GRIN2D: variants seen among roughly 807,000 people sequenced by gnomAD.
The protein encoded by GRIN2D is glutamate receptor ionotropic, NMDA 2D.
GRIN2D carries 37 observed loss-of-function variants against 103.2 expected under a neutral mutation model. The ratio of observed to expected loss-of-function variants is 0.36; its 90% CI spans 0.28 to 0.47. The LOEUF (loss-of-function observed/expected upper bound fraction) is 0.47, where lower values mean the gene tolerates loss of function less well. Among genes scored for constraint, GRIN2D ranks in the 20% least tolerant of loss-of-function variants. GRIN2D has a pLI of 1.00. For synonymous variants in GRIN2D, 845 were observed against 885.6 expected (o/e 0.95, Z 0.81); for missense variants, 1,557 against 1,910.6 (o/e 0.81, Z 3.45).
At chr19:48,423,088 G>A (rs1007843462) in intron 11 of GRIN2D, among the ~76,000 whole-genome samples, 1 of 152,148 alleles carries the variant, frequency 6.6e-6, no homozygotes, top group African/African-American at 2.4e-5. Context: ...GCGGGCGCCT[G>A]TAATCTCAGC....
chr19:48,432,604 G>A (rs946488495), intron 11 of GRIN2D, among the ~76,000 whole-genome samples: 8 of 151,426 alleles, frequency 5.3e-5, no homozygotes, highest in Non-Finnish European at 1.2e-4. Flanking sequence ...TCAGCCTCCC[G>A]AGTAGCTTGG....
intron 11 of GRIN2D, among the ~76,000 whole-genome samples, chr19:48,428,353 C>T (rs1053923523): frequency 3.4e-5 from 5 of 147,900 alleles, no homozygotes; most frequent in Non-Finnish European, 7.5e-5. Context: ...CCCCCTCCCC[C>T]TCCCCGCTTT....
Position 48,443,161 on chromosome 19 carries a change from G to A in GRIN2D, c.3235G>A (p.Ala1079Thr), listed in dbSNP as rs1229439041. ...QPLLGPGAGG[A>T]GGTGGAGGGA... Reference sequence around the variant, plus strand: ...CCTGCTGGGGCCAGGCGCGGGCGGCGCGGGGGGCACGGGGGGCGCAGGCGG... The same window carrying A: ...CCTGCTGGGGCCAGGCGCGGGCGGCACGGGGGGCACGGGGGGCGCAGGCGG... The change falls in exon 14 of 14, where the codon GCG becomes ACG. Residue 1079 changes from alanine to threonine, a missense_variant. Coordinates refer to ENST00000263269, the MANE Select transcript of GRIN2D (RefSeq NM_000836.4). The surrounding 1 kb of genome is among the most constrained non-coding windows in gnomAD (Gnocchi z 8.9). 2.0e-6 allele frequency: 2 copies of A among 1,001,740 alleles called. No homozygotes were observed. Among genetic ancestry groups the A allele is most frequent in the African/African-American group, 3.5e-5 (2 of 56,834 alleles). 62.1% of individuals were successfully genotyped at this position (1,001,740 alleles called of 1,614,324 possible).
Position 48,421,911 on chromosome 19 carries a change from C to T in GRIN2D, c.2218C>T (p.Arg740Cys), listed in dbSNP as rs1487954245. 3 of 1,614,092 alleles carry T rather than the reference C, an allele frequency of 1.9e-6. No individual in the cohort carries two copies. The highest frequency in any genetic ancestry group is 2.5e-6 in the Non-Finnish European group (3 of 1,179,998). ...HSYMVRYNQPRVEEALTQLKA... is the reference protein window; with the variant it reads ...HSYMVRYNQPCVEEALTQLKA... ...CTACATGGTGCGCTACAACCAGCCC[C>T]GCGTAGAGGAAGCGCTCACTCAGCT... is the stretch of plus-strand genomic sequence containing the variant. The change falls in exon 11 of 14, where the codon CGC (arginine) becomes TGC (cysteine). Residue 740 changes from arginine to cysteine, a missense_variant. Arg to Cys is a radical substitution (Grantham distance 180). This residue lies in a region of GRIN2D where 138 missense variants were observed against 270.2 expected (regional missense o/e 0.51). Coordinates refer to ENST00000263269, the MANE Select transcript of GRIN2D (RefSeq NM_000836.4). The surrounding 1 kb of genome is among the most constrained non-coding windows in gnomAD (Gnocchi z 4.8).
Position 48,444,154 on chromosome 19 carries a change from G to A in GRIN2D, c.*217G>A, listed in dbSNP as rs926034157. On this transcript the variant is annotated 3_prime_UTR_variant, in exon 14 of 14. Transcript: ENST00000263269. The surrounding 1 kb of genome is among the most constrained non-coding windows in gnomAD (Gnocchi z 5.5). ...TCACCCAGCCTGAGAACGAGGGGGC[G>A]GGGGCCTTGGAGCCCACCGGACTTT... 20 of 405,820 alleles carry A rather than the reference G, an allele frequency of 4.9e-5. 1 individual carries two copies. The highest frequency in any genetic ancestry group is 8.3e-5 in the Non-Finnish European group (19 of 229,288). The allele number at this position is 405,820 out of a possible 1,614,324, so 25.1% of individuals were successfully genotyped here.
chr19:48,415,871 G>A (rs1024530111), intron 7 of GRIN2D, 131 bp from the exon 8 acceptor site: 1 of 743,748 alleles, frequency 1.3e-6, no homozygotes, highest in Non-Finnish European at 2.4e-6. Context: ...CACCCACCTC[G>A]CAATCCCTCT....
intron 3 of GRIN2D, 89 bp from the exon 4 acceptor site, chr19:48,404,645 C>A: frequency 1.5e-6 from 2 of 1,302,302 alleles, no homozygotes; most frequent in Non-Finnish European, 1.1e-6. Context: ...AGTCAGTCTG[C>A]CATATTGGGA....
In GRIN2D at chr19:48,443,377, C is replaced by T. The variant is rs772243277; in HGVS notation, c.3451C>T (p.Arg1151Cys). The T allele has an allele frequency of 1.4e-6, 2 of 1,472,380 alleles. No individual in the cohort carries two copies. Among genetic ancestry groups the T allele is most frequent in the Non-Finnish European group, 8.9e-7 (1 of 1,117,868 alleles). 91.2% of individuals were successfully genotyped at this position (1,472,380 alleles called of 1,614,324 possible). The change falls in exon 14 of 14, where the codon CGC becomes TGC. Residue 1151 changes from arginine to cysteine, a missense_variant. This residue lies in a region of GRIN2D where 632 missense variants were observed against 572.8 expected (regional missense o/e 1.10). Coordinates refer to ENST00000263269, the MANE Select transcript of GRIN2D (RefSeq NM_000836.4). This position sits in a 1 kb window ranked among gnomAD's most constrained non-coding sequence, Gnocchi z 8.9. The stretch of plus-strand genomic sequence containing the variant: ...CGAGCGCCTCGGGCCGCCGCCCGGC[C>T]GCTACTGGTCGGTCGACAAGCTCGG... ...YAERLGPPPG[R>C]YWSVDKLGGW...
chr19:48,414,801 C>T lies in GRIN2D; in HGVS notation c.1413-63C>T, dbSNP rs1235999859. 24 of 1,543,914 alleles carry T rather than the reference C, an allele frequency of 1.6e-5. No individual in the cohort carries two copies. The highest frequency in any genetic ancestry group is 2.1e-5 in the Non-Finnish European group (24 of 1,129,412). On this transcript the variant is annotated intron_variant, in intron 6 of 13. Coordinates refer to ENST00000263269, the MANE Select transcript of GRIN2D (RefSeq NM_000836.4). This position sits in a 1 kb window ranked among gnomAD's most constrained non-coding sequence, Gnocchi z 4.6. ...CCGCCTATCCCTTCCTCCATATCCT[C>T]TCTTCATGAGAGAGTCTAAGGAGGG...
At chr19:48,433,290 G>A (rs960577545) in intron 11 of GRIN2D, among the ~76,000 whole-genome samples, 9 of 151,772 alleles carry the variant, frequency 5.9e-5, no homozygotes, top group African/African-American at 9.7e-5. Flanking sequence ...GCTTGAACCC[G>A]GGAGGTGGAG....
At chr19:48,441,699 G>T in intron 11 of GRIN2D, 70 bp from the exon 12 acceptor site, 1 of 1,295,694 alleles carries the variant, frequency 7.7e-7, no homozygotes. Flanking sequence ...TACAGGTGAG[G>T]AGGTTCCAGG....
rs139438955 is a variant in GRIN2D, at chr19:48,394,029, C to T, written c.-306+161C>T. Among the ~76,000 whole-genome samples, 1,237 of 152,282 alleles carry T rather than the reference C, an allele frequency of 8.1e-3. 8 individuals are homozygous for T. Among genetic ancestry groups the T allele is most frequent in the Non-Finnish European group, 0.013 (917 of 68,010 alleles). On this transcript the variant is annotated intron_variant, in intron 1 of 13. Transcript: ENST00000263269. This position sits in a 1 kb window ranked among gnomAD's most constrained non-coding sequence, Gnocchi z 5.1. ...GCTCCCGCTCCTTCCCCCCGGCCCCCCCAAACCCAGATGGATGGTGTGTAC... is the reference window on the plus strand; with the variant it reads ...GCTCCCGCTCCTTCCCCCCGGCCCCTCCAAACCCAGATGGATGGTGTGTAC...
chr19:48,436,758 G>A lies in GRIN2D; in HGVS notation c.2253-5011G>A, dbSNP rs370554983. On this transcript the variant is annotated intron_variant, in intron 11 of 13. Coordinates refer to ENST00000263269, the MANE Select transcript of GRIN2D (RefSeq NM_000836.4). ...TCAGGCAGCTGTCTAGGAGAAGAAT[G>A]TTCCAGCAGGCAGAACAGCCAGTGC... Among the ~76,000 whole-genome samples, 18 of 152,330 alleles carry A rather than the reference G, an allele frequency of 1.2e-4. No homozygotes were observed. The East Asian group carries it at 3.3e-3, about 28-fold the overall frequency.
chr19:48,438,692 C>T (rs1237408636), intron 11 of GRIN2D, among the ~76,000 whole-genome samples: 1 of 152,156 alleles, frequency 6.6e-6, no homozygotes, highest in Non-Finnish European at 1.5e-5. Flanking sequence ...CCTCAGCCTC[C>T]CAAAGCGCTG....
rs35263933 is a variant in GRIN2D at position 48,402,765 on chromosome 19, CGAGAGAGAGA to C, written c.466-1938_466-1929del. On this transcript the variant is annotated intron_variant, in intron 3 of 13. Coordinates refer to ENST00000263269, the MANE Select transcript of GRIN2D (RefSeq NM_000836.4). ...AAAAAAAAGATTCTTTACTCCTTTA[CGAGAGAGAGA>C]GAGAGAGAGAGAGAGAGAGAGAGAG... Among the ~76,000 whole-genome samples the C allele has an allele frequency of 5.8e-3, 628 of 108,968 alleles. 3 individuals carry two copies. The highest frequency in any genetic ancestry group is 0.029 in the East Asian group (108 of 3,768). The allele number at this position is 108,968 out of a possible 152,430, so 71.5% of individuals were successfully genotyped here.
intron 11 of GRIN2D, among the ~76,000 whole-genome samples, chr19:48,427,692 T>C (rs1971104735): frequency 6.6e-6 from 1 of 151,872 alleles, no homozygotes; most frequent in Admixed American, 6.6e-5. Context: ...TTGGCCAGGT[T>C]GATCCACCTT....
chr19:48,420,157 G>A (rs887566079), intron 10 of GRIN2D, among the ~76,000 whole-genome samples: 4 of 152,068 alleles, frequency 2.6e-5, no homozygotes, highest in Non-Finnish European at 4.4e-5. Context: ...GGCTGGGCGC[G>A]GTGGCTCACA....
intron 11 of GRIN2D, among the ~76,000 whole-genome samples, chr19:48,430,616 A>G (rs1971144323): frequency 6.6e-6 from 1 of 151,530 alleles, no homozygotes; most frequent in Admixed American, 6.6e-5. Context: ...TGCCTGGTCT[A>G]TTTTTCTTGA....
rs1286807164 is a variant in GRIN2D at position 48,443,418 on chromosome 19, G to A, written c.3492G>A (p.Gly1164=). Residue 1164 remains glycine, a synonymous_variant, in exon 14 of 14, where the codon GGG becomes GGA. Coordinates refer to ENST00000263269, the MANE Select transcript of GRIN2D (RefSeq NM_000836.4). This position sits in a 1 kb window ranked among gnomAD's most constrained non-coding sequence, Gnocchi z 8.9. ...SVDKLGGWRA[G]SWDYLPPRSG... Reference sequence around the variant, plus strand: ...ACAAGCTCGGGGGCTGGCGCGCCGGGAGCTGGGACTACCTGCCCCCGCGCA... The same window carrying A: ...ACAAGCTCGGGGGCTGGCGCGCCGGAAGCTGGGACTACCTGCCCCCGCGCA... 3.6e-6 allele frequency: 5 copies of A among 1,403,678 alleles called. No homozygotes were observed. The highest frequency in any genetic ancestry group is 4.6e-6 in the Non-Finnish European group (5 of 1,082,530). The allele number at this position is 1,403,678 out of a possible 1,614,324, so 87.0% of individuals were successfully genotyped here.
Sources: allele counts gnomAD v4.1 joint callset (sites outside exome capture counted in the v4.1 genomes callset), GRCh38; gene constraint gnomAD v4.1.1; regional missense constraint gnomAD v4.1.1; non-coding constraint Gnocchi (gnomAD v3.1); transcripts MANE v1.5; gene names NCBI Gene and HGNC (gene_info 2026-07-23, HGNC 2026-07-21).